Variants in USH2A observed in about 807,000 individuals in gnomAD.
USH2A encodes the protein usherin.
A neutral mutation model predicts 538.9 loss-of-function variants in USH2A; 443 were observed. The observed-to-expected ratio is 0.82, with a 90% CI of 0.76 to 0.89. USH2A has a LOEUF of 0.89. USH2A is among the 40% of genes least tolerant of loss of function. USH2A has a pLI of 0.00. For synonymous variants in USH2A, 2,413 were observed against 2,273.5 expected (o/e 1.06, Z -1.75); for missense variants, 6,633 against 6,324.8 (o/e 1.05, Z -1.65).
chr1:216,102,719 GA>G (rs2032619958), intron 21 of USH2A, among the ~76,000 whole-genome samples: 1 of 152,146 alleles, frequency 6.6e-6, no homozygotes, highest in African/African-American at 2.4e-5. Flanking sequence ...AGAATGGTGT[GA>G]ACCCGAAAGG....
intron 3 of USH2A, among the ~76,000 whole-genome samples, chr1:216,404,788 T>G (rs1047864194): frequency 6.6e-6 from 1 of 151,914 alleles, no homozygotes; most frequent in African/African-American, 2.4e-5. Flanking sequence ...GCCTGGCTAA[T>G]TGTTTTTGTA....
chr1:215,992,556 A>G (rs1668026485), intron 35 of USH2A, among the ~76,000 whole-genome samples: 1 of 152,234 alleles, frequency 6.6e-6, no homozygotes. Context: ...ATTTATAAAT[A>G]GTATATTAAA....
rs1161372422 is a variant in USH2A, at chr1:215,817,075, A to T, written c.9492T>A (p.Ser3164Arg). The T allele has an allele frequency of 6.2e-7, 1 of 1,612,802 alleles. No homozygotes were observed. The highest frequency in any genetic ancestry group is 1.1e-5 in the South Asian group (1 of 91,064). ...ACCTCACTGCCTTGCAGAGCTCATC[A>T]CTCTGATCCTGCACTAACTTTTGAG... is the stretch of plus-strand genomic sequence containing the variant. ...AKTQKLVQDQ[S>R]DELCKAVRCQ... Residue 3164 changes from serine (S) to arginine (R), a missense_variant, in exon 48 of 72, where the codon AGT becomes AGA. Ser to Arg is a moderately radical substitution (Grantham distance 110). Coordinates refer to ENST00000307340, the MANE Select transcript of USH2A (RefSeq NM_206933.4).
chr1:216,157,913 A>C (rs552719041), intron 21 of USH2A, among the ~76,000 whole-genome samples: 3 of 152,292 alleles, frequency 2.0e-5, no homozygotes, highest in African/African-American at 7.2e-5. Flanking sequence ...ATAGCCAAGT[A>C]ACAAACCCGC....
intron 29 of USH2A, among the ~76,000 whole-genome samples, chr1:216,071,356 A>T (rs983390077): frequency 1.2e-4 from 19 of 152,298 alleles, no homozygotes; most frequent in East Asian, 1.9e-4. Flanking sequence ...CCTATAGAAA[A>T]CACACAGGCC....
At chr1:215,690,194 GTCTAC>G in intron 61 of USH2A, among the ~76,000 whole-genome samples, 1 of 152,188 alleles carries the variant, frequency 6.6e-6, no homozygotes, top group Middle Eastern at 3.4e-3. Context: ...AGTGGCCCAG[GTCTAC>G]CACCTGACAC....
intron 21 of USH2A, among the ~76,000 whole-genome samples, chr1:216,106,440 A>C (rs1206460315): frequency 2.0e-5 from 3 of 151,032 alleles, no homozygotes; most frequent in Admixed American, 6.6e-5. Flanking sequence ...AATGTCTTTC[A>C]GCTGTATTGA....
chr1:216,132,302 TG>T (rs1291644867), intron 21 of USH2A, among the ~76,000 whole-genome samples: 8 of 152,106 alleles, frequency 5.3e-5, no homozygotes, highest in Non-Finnish European at 1.0e-4. Flanking sequence ...TTCATCTAGT[TG>T]GTATTTTTTC....
intron 64 of USH2A, among the ~76,000 whole-genome samples, chr1:215,656,877 T>C (rs1436172548): frequency 4.6e-5 from 7 of 152,206 alleles, no homozygotes; most frequent in African/African-American, 1.7e-4. Flanking sequence ...ACAATTCACA[T>C]CAGAAATAAA....
At chr1:216,202,640 G>A (rs2035025432) in intron 16 of USH2A, among the ~76,000 whole-genome samples, 1 of 152,080 alleles carries the variant, frequency 6.6e-6, no homozygotes, top group Non-Finnish European at 1.5e-5. Flanking sequence ...TGTGATCTTG[G>A]CTGATACCCT....
In USH2A at chr1:216,164,544, A is replaced by G. The variant is rs140304226; in HGVS notation, c.4627+10708T>C. Among the ~76,000 whole-genome samples the G allele has an allele frequency of 3.8e-3, 586 of 152,256 alleles. 7 individuals are homozygous for G. The highest frequency in any genetic ancestry group is 0.013 in the African/African-American group (560 of 41,568). On this transcript the variant is annotated intron_variant, in intron 21 of 71. Transcript: ENST00000307340. ...TGATTATGAAGACAGGGGGAATAAT[A>G]GAGTTAGGTTTATAAGTACACATAA...
intron 9 of USH2A, among the ~76,000 whole-genome samples, chr1:216,299,141 C>T (rs967281925): frequency 9.2e-5 from 14 of 151,918 alleles, no homozygotes; most frequent in East Asian, 7.7e-4. Context: ...CGTGCCTGTC[C>T]GAGAATATGT....
chr1:216,247,352 G>T, intron 12 of USH2A, 126 bp from the exon 13 acceptor site: 1 of 1,091,302 alleles, frequency 9.2e-7, no homozygotes, highest in Non-Finnish European at 1.3e-6. Flanking sequence ...CACAAGCAAT[G>T]CCATAGGGGG....
intron 10 of USH2A, among the ~76,000 whole-genome samples, chr1:216,289,992 C>T (rs2036971182): frequency 6.6e-6 from 1 of 151,902 alleles, no homozygotes; most frequent in African/African-American, 2.4e-5. Context: ...ACTTTTCATA[C>T]TAAATACTAG....
chr1:216,096,746 G>C (rs2032450211), intron 22 of USH2A, among the ~76,000 whole-genome samples: 1 of 152,084 alleles, frequency 6.6e-6, no homozygotes, highest in South Asian at 2.1e-4. Context: ...AGGAAGAAAA[G>C]GGGACATGAT....
intron 14 of USH2A, among the ~76,000 whole-genome samples, chr1:216,226,006 T>C (rs1489391656): frequency 6.6e-6 from 1 of 151,816 alleles, no homozygotes; most frequent in Non-Finnish European, 1.5e-5. Flanking sequence ...AAAGGACATA[T>C]TAAAAAGGAG....
At chr1:215,760,851 C>A (rs962183659) in intron 56 of USH2A, among the ~76,000 whole-genome samples, 1 of 152,190 alleles carries the variant, frequency 6.6e-6, no homozygotes, top group South Asian at 2.1e-4. Flanking sequence ...AGCTTCTAAA[C>A]TTGCCTCCAT....
intron 9 of USH2A, among the ~76,000 whole-genome samples, chr1:216,315,955 A>G (rs2037500248): frequency 1.3e-5 from 2 of 152,196 alleles, no homozygotes; most frequent in African/African-American, 2.4e-5. Context: ...AATCAGTTCT[A>G]AAGTGAGCCT....
intron 14 of USH2A, among the ~76,000 whole-genome samples, chr1:216,217,796 G>A (rs528355670): frequency 7.9e-5 from 12 of 151,922 alleles, no homozygotes; most frequent in African/African-American, 2.2e-4. Flanking sequence ...CTAATTAATA[G>A]CAAAAAAAGA....
Sources: gnomAD v4.1 joint callset for allele counts (sites outside exome capture counted in the v4.1 genomes callset) on GRCh38, gnomAD v4.1.1 for gene constraint, MANE v1.5 for transcripts, NCBI Gene and HGNC (gene_info 2026-07-23, HGNC 2026-07-21) for gene names.